NTRK3: variants seen among roughly 807,000 people sequenced by gnomAD.
NTRK3 encodes NT-3 growth factor receptor.
NTRK3 carries 24 observed loss-of-function variants against 91.7 expected under a neutral mutation model. That is an observed-to-expected ratio of 0.26 (90% CI 0.19 to 0.37). NTRK3 has a LOEUF of 0.37. NTRK3 is among the 10% of genes least tolerant of loss of function. NTRK3 has a pLI of 1.00. For synonymous variants in NTRK3, 483 were observed against 404.0 expected, an observed-to-expected ratio of 1.20 and a Z score of -2.34; for missense variants, 880 against 1,068.9, an observed-to-expected ratio of 0.82 and a Z score of 2.46.
chr15:88,160,151 G>A (rs1476807917), intron 5 of NTRK3, among the ~76,000 whole-genome samples: 1 of 152,202 alleles, frequency 6.6e-6, no homozygotes, highest in East Asian at 1.9e-4. Flanking sequence ...AAACCAATGA[G>A]TGAGACCCAA....
At chr15:87,885,218 A>G (rs915514283) in intron 17 of NTRK3, among the ~76,000 whole-genome samples, 1 of 151,970 alleles carries the variant, frequency 6.6e-6, no homozygotes, top group African/African-American at 2.4e-5. Flanking sequence ...AAAATGTCCA[A>G]GGTTATTTAA....
chr15:88,206,677 AC>A (rs368744404), intron 3 of NTRK3, among the ~76,000 whole-genome samples: 37,573 of 131,474 alleles, frequency 0.29, 6,781 homozygotes, highest in East Asian at 0.47. Context: ...AAAAAAAAAA[AC>A]AAACCTCTCC....
chr15:88,160,840 G>C (rs980796089), intron 5 of NTRK3, among the ~76,000 whole-genome samples: 1 of 152,182 alleles, frequency 6.6e-6, no homozygotes, highest in Non-Finnish European at 1.5e-5. Flanking sequence ...AAAGCATTTA[G>C]GGGAGAGGTA....
chr15:87,994,303 C>T (rs1440700765), intron 14 of NTRK3, among the ~76,000 whole-genome samples: 1 of 152,144 alleles, frequency 6.6e-6, no homozygotes, highest in Non-Finnish European at 1.5e-5. Flanking sequence ...TATTTGAAAA[C>T]GGGATCTTTG....
At chr15:88,221,126 TC>T (rs1480653906) in intron 3 of NTRK3, among the ~76,000 whole-genome samples, 1 of 152,232 alleles carries the variant, frequency 6.6e-6, no homozygotes. Context: ...TTTCAATTAC[TC>T]TTTTCCTGGT....
At chr15:88,149,109 T>G (rs2043146173) in intron 5 of NTRK3, among the ~76,000 whole-genome samples, 1 of 152,140 alleles carries the variant, frequency 6.6e-6, no homozygotes, top group African/African-American at 2.4e-5. Flanking sequence ...AGGTTGGGGC[T>G]GGGTAAGATC....
chr15:87,934,983 C>T (rs1029527985), intron 15 of NTRK3, among the ~76,000 whole-genome samples: 2 of 152,074 alleles, frequency 1.3e-5, no homozygotes, highest in East Asian at 3.9e-4. Context: ...ACAAAAAAGT[C>T]GAAAGTTATC....
At chr15:88,182,590 CATGCCCAAAGGGTGTCCGAG>C (rs1376670497) in intron 5 of NTRK3, among the ~76,000 whole-genome samples, 1 of 152,192 alleles carries the variant, frequency 6.6e-6, no homozygotes, top group Non-Finnish European at 1.5e-5. Flanking sequence ...TCTTTGGGAA[CATGCCCAAAGGGTGTCCGAG>C]ATGGCCACTA....
intron 13 of NTRK3, chr15:88,099,060 C>A: frequency 8.6e-6 from 2 of 231,358 alleles, no homozygotes; most frequent in Non-Finnish European, 1.7e-5. Flanking sequence ...GCCAAGGCCA[C>A]CTGGAGAGCA....
chr15:87,896,551 G>A (rs2066137835), intron 17 of NTRK3, among the ~76,000 whole-genome samples: 1 of 151,436 alleles, frequency 6.6e-6, no homozygotes, highest in Admixed American at 6.6e-5. Context: ...TCCATTCATC[G>A]ACAGTTCTAT....
chr15:88,010,483 A>G (rs1343901684), intron 14 of NTRK3, among the ~76,000 whole-genome samples: 1 of 152,184 alleles, frequency 6.6e-6, no homozygotes. Flanking sequence ...TCTTTTTCCA[A>G]GCTTTTTAGT....
intron 16 of NTRK3, among the ~76,000 whole-genome samples, chr15:87,930,335 A>G (rs1202459141): frequency 6.6e-6 from 1 of 152,200 alleles, no homozygotes; most frequent in Non-Finnish European, 1.5e-5. Flanking sequence ...AGCCGTAACC[A>G]CACCCAGGGC....
At chr15:88,111,745 G>A (rs1015080836) in intron 13 of NTRK3, among the ~76,000 whole-genome samples, 1 of 152,170 alleles carries the variant, frequency 6.6e-6, no homozygotes, top group Non-Finnish European at 1.5e-5. Flanking sequence ...TTTCTCATGT[G>A]TGAAAAACAG....
exon 10 of NTRK3, chr15:88,135,284 G>A (rs775589367): frequency 3.7e-6 from 6 of 1,614,184 alleles, no homozygotes; most frequent in South Asian, 3.3e-5. Context: ...TCCCGCAGAG[G>A]CTGCCCATTG....
At chr15:88,062,900 C>A (rs1472065935) in intron 13 of NTRK3, among the ~76,000 whole-genome samples, 1 of 152,220 alleles carries the variant, frequency 6.6e-6, no homozygotes, top group East Asian at 1.9e-4. Context: ...AGGCCAAAGG[C>A]CCCCCATTCT....
chr15:88,006,475 G>A (rs981100434), intron 14 of NTRK3, among the ~76,000 whole-genome samples: 1 of 152,182 alleles, frequency 6.6e-6, no homozygotes, highest in Non-Finnish European at 1.5e-5. Context: ...ACAACTGCAG[G>A]TCACATGAAA....
In NTRK3 at chr15:88,168,978, C is replaced by T. The variant is rs79500256; in HGVS notation, c.395+14440G>A. 5.8e-3 allele frequency among the ~76,000 whole-genome samples: 883 copies of T among 152,298 alleles called. 11 individuals are homozygous for T. Among genetic ancestry groups the T allele is most frequent in the African/African-American group, 0.02 (838 of 41,554 alleles). ...AAAGAGGAATAGACATTAACTAAAG[C>T]GAGTCAGAGGCTGCATGAAAATATT... On this transcript the variant is annotated intron_variant, in intron 5 of 18. Coordinates refer to ENST00000394480, the Ensembl canonical transcript of NTRK3.
Position 87,916,554 on chromosome 15 carries a change from G to A in NTRK3, c.2133+12637C>T, listed in dbSNP as rs1485416348. On this transcript the variant is annotated intron_variant, in intron 17 of 18. Coordinates refer to ENST00000394480, the Ensembl canonical transcript of NTRK3. ...TTCCCCAGTATCAGTCCTCATGCCT[G>A]CACAACCTTCAATGAGAGAAGAAAA... 5.7e-6 allele frequency: 4 copies of A among 702,234 alleles called. 1 individual carries two copies. The South Asian group carries it at 5.9e-5, about 10-fold the overall frequency. The allele number at this position is 702,234 out of a possible 1,614,324, so 43.5% of individuals were successfully genotyped here.
intron 3 of NTRK3, among the ~76,000 whole-genome samples, chr15:88,203,402 A>G (rs910224050): frequency 2.7e-4 from 41 of 152,190 alleles, no homozygotes; most frequent in African/African-American, 9.6e-4. Context: ...AAGAATAAAG[A>G]GTTGCACTGT....
Sources: gnomAD v4.1 joint callset for allele counts (sites outside exome capture counted in the v4.1 genomes callset) on GRCh38, gnomAD v4.1.1 for gene constraint, MANE v1.5 for transcripts, NCBI Gene and HGNC (gene_info 2026-07-23, HGNC 2026-07-21) for gene names.